Variants in ASB13 observed in about 807,000 individuals in gnomAD.
ASB13 encodes ankyrin repeat and SOCS box protein 13.
ASB13 carries 33 observed loss-of-function variants against 28.8 expected under a neutral mutation model. That is an observed-to-expected ratio of 1.15 (90% CI 0.87 to 1.53). The LOEUF (loss-of-function observed/expected upper bound fraction) is 1.53. Ranked by LOEUF, ASB13 falls within the 40% of genes most tolerant of loss-of-function variation. ASB13 has a pLI of 0.00. For synonymous variants in ASB13, 182 were observed against 172.9 expected, an observed-to-expected ratio of 1.05 and a Z score of -0.41; for missense variants, 414 against 390.1, an observed-to-expected ratio of 1.06 and a Z score of -0.52.
rs1393265324 is a variant in ASB13, at chr10:5,651,383, A to C, written c.232-20T>G. On this transcript the variant is annotated intron_variant, in intron 2 of 5. Transcript: ENST00000357700. The surrounding 1 kb of genome is among the most constrained non-coding windows in gnomAD (Gnocchi z 5.1). The stretch of plus-strand genomic sequence containing the variant: ...ATCCACCTCACGGGAGGAAGAAACA[A>C]GTGTCAAAGGGCAGAGAAATGCCAC... 4 of 1,578,536 alleles carry C rather than the reference A, an allele frequency of 2.5e-6. No individual in the cohort carries two copies. In the African/African-American group the frequency reaches 5.4e-5, roughly 21 times the overall value.
intron 5 of ASB13, 53 bp from the exon 6 acceptor site, chr10:5,640,883 C>T: frequency 1.9e-6 from 3 of 1,602,006 alleles, no homozygotes; most frequent in Admixed American, 1.7e-5. Context: ...AGAAGCACAA[C>T]ACCTGCAATG....
At position 5,660,210 on chromosome 10, in the gene ASB13, G is replaced by A. The variant is rs1396666002; in HGVS notation, c.43+6299C>T. The stretch of plus-strand genomic sequence containing the variant: ...AGATGTCACCTATGTATCTACTGCA[G>A]ACTACGGCAGACGTCACCTTGAGAA... On this transcript the variant is annotated intron_variant, in intron 1 of 5. Coordinates refer to ENST00000357700, the MANE Select transcript of ASB13 (RefSeq NM_024701.4). The surrounding 1 kb of genome is among the most constrained non-coding windows in gnomAD (Gnocchi z 6.1). Among the ~76,000 whole-genome samples, 1 of 152,224 alleles carries A rather than the reference G, an allele frequency of 6.6e-6. No individual in the cohort carries two copies. Among genetic ancestry groups the A allele is most frequent in the African/African-American group, 2.4e-5 (1 of 41,456 alleles).
rs115324188 is a variant in ASB13, at chr10:5,644,533, C to T, written c.518-2572G>A. Among the ~76,000 whole-genome samples the T allele has an allele frequency of 5.6e-3, 846 of 151,338 alleles. 5 individuals carry two copies. Among genetic ancestry groups the T allele is most frequent in the African/African-American group, 0.02 (810 of 41,190 alleles). On this transcript the variant is annotated intron_variant, in intron 4 of 5. Coordinates refer to ENST00000357700, the MANE Select transcript of ASB13 (RefSeq NM_024701.4). This position sits in a 1 kb window ranked among gnomAD's most constrained non-coding sequence, Gnocchi z 5.1. ...TAAACAGGTACTCGTTAGAGGAAAA[C>T]AGGGCCAGACACGGTGGCTCATGCC...
At chr10:5,648,215 TCAGGTAAACACCCACG>T (rs1834917784) in intron 4 of ASB13, among the ~76,000 whole-genome samples, 2 of 137,530 alleles carry the variant, frequency 1.5e-5, no homozygotes, top group South Asian at 2.4e-4. Flanking sequence ...AAACACCCAC[TCAGGTAAACACCCACG>T]CAGGCAAACA....
rs1472881232 is a variant in ASB13 at position 5,666,505 on chromosome 10, G to C, written c.43+4C>G. 1.0e-5 allele frequency: 13 copies of C among 1,290,958 alleles called. No homozygotes were observed. Among genetic ancestry groups the C allele is most frequent in the Non-Finnish European group, 1.3e-5 (13 of 1,014,566 alleles). The allele number at this position is 1,290,958 out of a possible 1,614,324, so 80.0% of individuals were successfully genotyped here. A position where few individuals can be genotyped will look rare whatever the true frequency, so the allele number is the denominator to read the frequency against. On this transcript the variant is annotated splice_donor_region_variant and intron_variant, in intron 1 of 5. Transcript: ENST00000357700. ...GCTCTGACCTCCGCGGCGCCCGCAC[G>C]TACCCACGTCGCCCAGGAAGCAGCC...
At position 5,651,994 on chromosome 10, in the gene ASB13, C is replaced by A. The variant is rs1834991481; in HGVS notation, c.232-631G>T. On this transcript the variant is annotated intron_variant, in intron 2 of 5. Coordinates refer to ENST00000357700, the MANE Select transcript of ASB13 (RefSeq NM_024701.4). The surrounding 1 kb of genome is among the most constrained non-coding windows in gnomAD (Gnocchi z 5.1). Reference sequence around the variant, plus strand: ...TCCAGCCTAGGCGACAGAGAAAGACCTTATCTCAAAAAAAAAAAAAAAAAA... The same window carrying A: ...TCCAGCCTAGGCGACAGAGAAAGACATTATCTCAAAAAAAAAAAAAAAAAA... 9.6e-6 allele frequency among the ~76,000 whole-genome samples: 1 copy of A among 104,064 alleles called. No individual in the cohort carries two copies. The highest frequency in any genetic ancestry group is 1.8e-5 in the Non-Finnish European group (1 of 56,734). 68.3% of individuals were successfully genotyped at this position (104,064 alleles called of 152,430 possible).
chr10:5,655,937 G>A lies in ASB13; in HGVS notation c.44-2887C>T, dbSNP rs547665853. Among the ~76,000 whole-genome samples, 37 of 152,186 alleles carry A rather than the reference G, an allele frequency of 2.4e-4. No homozygotes were observed. Among genetic ancestry groups the A allele is most frequent in the Middle Eastern group, 3.2e-3 (1 of 316 alleles). On this transcript the variant is annotated intron_variant, in intron 1 of 5. Coordinates refer to ENST00000357700, the MANE Select transcript of ASB13 (RefSeq NM_024701.4). The surrounding 1 kb of genome is among the most constrained non-coding windows in gnomAD (Gnocchi z 6.2). ...GATTTAGCGTCTTCCGCTGCCACAC[G>A]CAAAGATGACTAAGATGCAGCAATA...
At chr10:5,657,185 A>C (rs1835087103) in intron 1 of ASB13, among the ~76,000 whole-genome samples, 1 of 152,216 alleles carries the variant, frequency 6.6e-6, no homozygotes, top group Non-Finnish European at 1.5e-5. Flanking sequence ...AGACATGATA[A>C]GAAAAAAAGA....
At chr10:5,662,521 C>T (rs908458623) in intron 1 of ASB13, among the ~76,000 whole-genome samples, 7 of 64,234 alleles carry the variant, frequency 1.1e-4, no homozygotes, top group African/African-American at 4.6e-4. Flanking sequence ...CAGACTGAGA[C>T]TCTGTCGAGA....
rs1296182012 is a variant in ASB13 at position 5,650,457 on chromosome 10, C to A, written c.382+756G>T. 3.3e-5 allele frequency among the ~76,000 whole-genome samples: 5 copies of A among 152,236 alleles called. No individual in the cohort carries two copies. Among genetic ancestry groups the A allele is most frequent in the African/African-American group, 9.6e-5 (4 of 41,458 alleles). On this transcript the variant is annotated intron_variant, in intron 3 of 5. Transcript: ENST00000357700. The surrounding 1 kb of genome is among the most constrained non-coding windows in gnomAD (Gnocchi z 6.0). ...TGAGCCACATGCAGCCATGGCCCTG[C>A]CAGCACCGTGGAAGGGCACATACCC...
rs1316357806 is a variant in ASB13, at chr10:5,664,380, A to AG, written c.43+2128dup. Among the ~76,000 whole-genome samples the AG allele has an allele frequency of 6.6e-6, 1 of 152,176 alleles. No homozygotes were observed. Among genetic ancestry groups the AG allele is most frequent in the Non-Finnish European group, 1.5e-5 (1 of 68,034 alleles). On this transcript the variant is annotated intron_variant, in intron 1 of 5. Transcript: ENST00000357700. This position sits in a 1 kb window ranked among gnomAD's most constrained non-coding sequence, Gnocchi z 4.2. Reference sequence around the variant, plus strand: ...TAAGAAGACTGTCTGGGGATAAATTAGGGATTAGGCATGGAGAACACCGAA... The same window carrying AG: ...TAAGAAGACTGTCTGGGGATAAATTAGGGGATTAGGCATGGAGAACACCGAA...
chr10:5,648,932 A>G, intron 4 of ASB13, 38 bp downstream of exon 4: 1 of 1,608,776 alleles, frequency 6.2e-7, no homozygotes, highest in Non-Finnish European at 8.5e-7. Flanking sequence ...GCAAACACCC[A>G]CTCAGGTAAA....
chr10:5,662,229 G>C (rs1221355533), intron 1 of ASB13, among the ~76,000 whole-genome samples: 2 of 151,966 alleles, frequency 1.3e-5, no homozygotes, highest in Non-Finnish European at 2.9e-5. Context: ...TAGAAATGCT[G>C]GACGATGGGC....
intron 1 of ASB13, among the ~76,000 whole-genome samples, chr10:5,662,558 G>GAACA (rs1835187125): frequency 9.5e-6 from 1 of 104,906 alleles, no homozygotes; most frequent in Admixed American, 9.1e-5. Context: ...GGGGAGGGGA[G>GAACA]GGGAGGGGAG....
At position 5,658,619 on chromosome 10, in the gene ASB13, G is replaced by C. The variant is rs1001308553; in HGVS notation, c.44-5569C>G. ...AATTTCAGTTTTACAGGATGAAAAA[G>C]TTCTAGAGATCTGTTACACAAAAAT... is the stretch of plus-strand genomic sequence containing the variant. On this transcript the variant is annotated intron_variant, in intron 1 of 5. Coordinates refer to ENST00000357700, the MANE Select transcript of ASB13 (RefSeq NM_024701.4). The surrounding 1 kb of genome is among the most constrained non-coding windows in gnomAD (Gnocchi z 4.2). 1.3e-5 allele frequency among the ~76,000 whole-genome samples: 2 copies of C among 152,118 alleles called. No homozygotes were observed. Among genetic ancestry groups the C allele is most frequent in the African/African-American group, 4.8e-5 (2 of 41,410 alleles).
Position 5,649,019 on chromosome 10 carries a change from A to T in ASB13, c.468T>A (p.Val156=), listed in dbSNP as rs1834941187. ...HDCHFGTPLH[V]ACAREHLDCV... Reference sequence around the variant, plus strand: ...AGTCCAGATGCTCCCGGGCACAGGCAACGTGCAGAGGGGTCCCAAAATGGC... The same window carrying T: ...AGTCCAGATGCTCCCGGGCACAGGCTACGTGCAGAGGGGTCCCAAAATGGC... Residue 156 remains valine, a synonymous_variant, in exon 4 of 6, where the codon GTT becomes GTA. Transcript: ENST00000357700. The surrounding 1 kb of genome is among the most constrained non-coding windows in gnomAD (Gnocchi z 6.4). The T allele has an allele frequency of 6.2e-7, 1 of 1,614,278 alleles. No homozygotes were observed.
chr10:5,644,317 G>T lies in ASB13; in HGVS notation c.518-2356C>A, dbSNP rs1045778286. The stretch of plus-strand genomic sequence containing the variant: ...GAGACCAGCCTGCGCAACATAGTGA[G>T]ACCCTAGCTCTACAAAAATTTAAAA... On this transcript the variant is annotated intron_variant, in intron 4 of 5. Coordinates refer to ENST00000357700, the MANE Select transcript of ASB13 (RefSeq NM_024701.4). The surrounding 1 kb of genome is among the most constrained non-coding windows in gnomAD (Gnocchi z 5.1). Among the ~76,000 whole-genome samples, 1 of 152,148 alleles carries T rather than the reference G, an allele frequency of 6.6e-6. No homozygotes were observed. The highest frequency in any genetic ancestry group is 2.4e-5 in the African/African-American group (1 of 41,414).
At position 5,652,697 on chromosome 10, in the gene ASB13, A is replaced by G. The variant is rs1006135085; in HGVS notation, c.231+166T>C. On this transcript the variant is annotated intron_variant, in intron 2 of 5. Transcript: ENST00000357700. This position sits in a 1 kb window ranked among gnomAD's most constrained non-coding sequence, Gnocchi z 5.0. ...TTTCTTCCACCACCGTGACCTCCTA[A>G]CAGCCAGGTCCACGAGCACTTCTCA... is the stretch of plus-strand genomic sequence containing the variant. 6.6e-6 allele frequency among the ~76,000 whole-genome samples: 1 copy of G among 152,054 alleles called. No homozygotes were observed. Among genetic ancestry groups the G allele is most frequent in the Non-Finnish European group, 1.5e-5 (1 of 67,986 alleles).
chr10:5,654,494 C>G (rs750622234), intron 1 of ASB13, among the ~76,000 whole-genome samples: 2 of 152,310 alleles, frequency 1.3e-5, no homozygotes, highest in Non-Finnish European at 2.9e-5. Flanking sequence ...TCTTTATTGT[C>G]TAAACCAGGT....
Sources: allele counts gnomAD v4.1 joint callset (sites outside exome capture counted in the v4.1 genomes callset), GRCh38; gene constraint gnomAD v4.1.1; non-coding constraint Gnocchi (gnomAD v3.1); transcripts MANE v1.5; gene names NCBI Gene and HGNC (gene_info 2026-07-23, HGNC 2026-07-21).